Variants in FBXO36 observed in about 807,000 individuals in gnomAD.
FBXO36 encodes the protein F-box protein 36, also known as F-box only protein 36.
A neutral mutation model predicts 17.0 loss-of-function variants in FBXO36; 18 were observed. The ratio of observed to expected loss-of-function variants is 1.06; its 90% CI spans 0.73 to 1.57. FBXO36 has a LOEUF of 1.57. Ranked by LOEUF, FBXO36 falls within the 40% of genes most tolerant of loss-of-function variation. The pLI is 0.00. For missense variants in FBXO36, 229 were observed against 221.9 expected (o/e 1.03, Z -0.20); for synonymous variants, 83 against 85.3 (o/e 0.97, Z 0.15).
chr2:229,987,045 C>T (rs1177744091), intron 2 of FBXO36, among the ~76,000 whole-genome samples: 1 of 150,852 alleles, frequency 6.6e-6, no homozygotes, highest in Non-Finnish European at 1.5e-5. Flanking sequence ...ATGGTGAGAC[C>T]CATCTCTACT....
chr2:229,925,087 C>G (rs1429763995), intron 1 of FBXO36, among the ~76,000 whole-genome samples: 2 of 151,560 alleles, frequency 1.3e-5, no homozygotes, highest in Non-Finnish European at 2.9e-5. Context: ...CTTAATTTTT[C>G]TTTTTCTTTC....
intron 1 of FBXO36, among the ~76,000 whole-genome samples, chr2:229,964,298 A>G (rs2106184905): frequency 6.6e-6 from 1 of 152,360 alleles, no homozygotes; most frequent in South Asian, 2.1e-4. Flanking sequence ...TTATCAAGAT[A>G]CAGACTATTT....
chr2:229,973,105 C>T (rs1053962879), intron 1 of FBXO36, among the ~76,000 whole-genome samples: 49 of 107,118 alleles, frequency 4.6e-4, no homozygotes, highest in African/African-American at 1.2e-3. Context: ...TCAATAAATT[C>T]GTTAAAAATT....
chr2:229,949,892 T>C (rs1306246095), intron 1 of FBXO36, among the ~76,000 whole-genome samples: 1 of 152,182 alleles, frequency 6.6e-6, no homozygotes, highest in Admixed American at 6.5e-5. Flanking sequence ...GCCAGGGCAC[T>C]CCAGCCTGGG....
chr2:230,003,427 C>T (rs765343563), intron 3 of FBXO36, among the ~76,000 whole-genome samples: 3 of 152,040 alleles, frequency 2.0e-5, no homozygotes, highest in Non-Finnish European at 2.9e-5. Flanking sequence ...TGTCAGCCTA[C>T]AGCTCCTCTT....
chr2:229,939,259 A>G, intron 1 of FBXO36: 1 of 985,172 alleles, frequency 1.0e-6, no homozygotes, highest in Non-Finnish European at 1.2e-6. Context: ...TGTTTCAAGG[A>G]TTATATGAGG....
intron 3 of FBXO36, among the ~76,000 whole-genome samples, chr2:229,997,614 G>T (rs1419633897): frequency 6.6e-6 from 1 of 151,874 alleles, no homozygotes; most frequent in African/African-American, 2.4e-5. Context: ...ATAGGGCAAG[G>T]AGGACAACCT....
At chr2:229,965,493 T>G (rs1352726888) in intron 1 of FBXO36, among the ~76,000 whole-genome samples, 2 of 151,868 alleles carry the variant, frequency 1.3e-5, no homozygotes, top group African/African-American at 4.8e-5. Flanking sequence ...TCATTTACAT[T>G]AGGTATATCT....
chr2:229,939,786 T>TA (rs1214268705), intron 1 of FBXO36, among the ~76,000 whole-genome samples: 3 of 152,098 alleles, frequency 2.0e-5, no homozygotes, highest in Non-Finnish European at 2.9e-5. Context: ...CGAGACCCTA[T>TA]AGGAGCTAAG....
intron 1 of FBXO36, among the ~76,000 whole-genome samples, chr2:229,937,327 T>A (rs2076969354): frequency 6.6e-6 from 1 of 151,970 alleles, no homozygotes; most frequent in South Asian, 2.1e-4. Context: ...AAACCCCATC[T>A]CTACTAAGAA....
At chr2:229,954,749 G>A (rs1437721020) in intron 1 of FBXO36, among the ~76,000 whole-genome samples, 7 of 146,112 alleles carry the variant, frequency 4.8e-5, no homozygotes, top group African/African-American at 1.0e-4. Context: ...GGGTTTCACC[G>A]TGTTAGCCAG....
rs1402173055 is a variant in FBXO36, at chr2:229,922,537, T to G, written c.24T>G (p.Thr8=). 3.7e-6 allele frequency: 6 copies of G among 1,613,812 alleles called. No homozygotes were observed. Among genetic ancestry groups the G allele is most frequent in the Non-Finnish European group, 5.1e-6 (6 of 1,179,930 alleles). Residue 8 remains threonine (T), a synonymous_variant, in exon 1 of 4, where the codon ACT becomes ACG. Coordinates refer to ENST00000283946, the MANE Select transcript of FBXO36 (RefSeq NM_174899.5). MASWLPE[T]LFETVGQGPP... ...AGATGGCGTCGTGGCTGCCGGAGAC[T>G]CTCTTTGAAACTGTAGGACAAGGCC...
intron 3 of FBXO36, among the ~76,000 whole-genome samples, chr2:230,004,550 G>A (rs959179603): frequency 7.9e-5 from 12 of 152,114 alleles, no homozygotes; most frequent in Non-Finnish European, 5.9e-5. Context: ...TGTTTTGCAT[G>A]TCCTTCCGGA....
intron 1 of FBXO36, among the ~76,000 whole-genome samples, chr2:229,975,582 C>T (rs1039781483): frequency 6.6e-6 from 1 of 151,252 alleles, no homozygotes; most frequent in Non-Finnish European, 1.5e-5. Context: ...TCAGGGGATC[C>T]TCCCACCTCA....
At chr2:229,978,872 T>C (rs1439346618) in intron 2 of FBXO36, among the ~76,000 whole-genome samples, 2 of 151,958 alleles carry the variant, frequency 1.3e-5, no homozygotes, top group Non-Finnish European at 2.9e-5. Flanking sequence ...TAATCAACAC[T>C]CTTTAAAAAA....
At chr2:229,927,682 G>A (rs537528483) in intron 1 of FBXO36, among the ~76,000 whole-genome samples, 15 of 149,676 alleles carry the variant, frequency 1.0e-4, no homozygotes, top group Admixed American at 4.0e-4. Context: ...CAATAGATTC[G>A]TCTTGTTTTA....
intron 1 of FBXO36, among the ~76,000 whole-genome samples, chr2:229,960,171 T>A (rs1407953825): frequency 6.6e-6 from 1 of 151,960 alleles, no homozygotes; most frequent in Non-Finnish European, 1.5e-5. Flanking sequence ...TTTATTTATT[T>A]ATTTACTTTT....
intron 2 of FBXO36, among the ~76,000 whole-genome samples, chr2:229,989,534 G>A (rs942092977): frequency 6.6e-6 from 1 of 152,122 alleles, no homozygotes; most frequent in African/African-American, 2.4e-5. Flanking sequence ...TGGGATTACA[G>A]GCGTGAGCCA....
chr2:229,997,890 C>A (rs1432603975), intron 3 of FBXO36, among the ~76,000 whole-genome samples: 1 of 152,152 alleles, frequency 6.6e-6, no homozygotes, highest in Non-Finnish European at 1.5e-5. Context: ...ACCTTGGTCC[C>A]TAACCCTTCT....
Sources: gnomAD v4.1 joint callset for allele counts (sites outside exome capture counted in the v4.1 genomes callset) on GRCh38, gnomAD v4.1.1 for gene constraint, MANE v1.5 for transcripts, NCBI Gene and HGNC (gene_info 2026-07-23, HGNC 2026-07-21) for gene names.